DOCK3: variants seen among roughly 807,000 people sequenced by gnomAD.
The protein encoded by DOCK3 is dedicator of cytokinesis protein 3.
In DOCK3, 60 loss-of-function variants were observed where a neutral mutation model predicts 265.6. That is an observed-to-expected ratio of 0.23 (90% CI 0.18 to 0.28). The LOEUF (loss-of-function observed/expected upper bound fraction) is 0.28, where lower values mean the gene tolerates loss of function less well. DOCK3 is among the 10% of genes least tolerant of loss of function. DOCK3 has a pLI of 1.00. For synonymous variants in DOCK3, 881 were observed against 938.0 expected, an observed-to-expected ratio of 0.94 and a Z score of 1.11; for missense variants, 1,981 against 2,594.3, an observed-to-expected ratio of 0.76 and a Z score of 5.14.
chr3:51,080,819 C>T (rs114966509), intron 7 of DOCK3, among the ~76,000 whole-genome samples: 206 of 151,840 alleles, frequency 1.4e-3, no homozygotes, highest in Non-Finnish European at 2.7e-3. Context: ...AATAAAACAA[C>T]GGAATTTATT....
chr3:50,765,032 G>A (rs1464864759), intron 1 of DOCK3, among the ~76,000 whole-genome samples: 1 of 149,268 alleles, frequency 6.7e-6, no homozygotes, highest in East Asian at 2.0e-4. Context: ...AAAGTGCTGG[G>A]ATTATGGGCT....
chr3:50,694,733 C>T (rs1361172260), intron 1 of DOCK3, among the ~76,000 whole-genome samples: 2 of 152,140 alleles, frequency 1.3e-5, no homozygotes, highest in East Asian at 1.9e-4. Flanking sequence ...ATCACTTGAA[C>T]CGGGGAGGTG....
chr3:51,211,236 AC>A (rs1328224361), intron 13 of DOCK3, among the ~76,000 whole-genome samples: 4 of 152,136 alleles, frequency 2.6e-5, no homozygotes, highest in African/African-American at 4.8e-5. Context: ...TTGTCCAGTT[AC>A]TTTTTTTATG....
In DOCK3 at chr3:51,374,658, C is replaced by A; in HGVS notation, c.5412+71C>A. Reference sequence around the variant, plus strand: ...GCCTGTGCTTCCCTCCTTGCATTTGCGGGGCCTTCTGCATTGTCCTACATG... The same window carrying A: ...GCCTGTGCTTCCCTCCTTGCATTTGAGGGGCCTTCTGCATTGTCCTACATG... On this transcript the variant is annotated intron_variant, in intron 50 of 52. Coordinates refer to ENST00000266037, the MANE Select transcript of DOCK3 (RefSeq NM_004947.5). The surrounding 1 kb of genome is among the most constrained non-coding windows in gnomAD (Gnocchi z 4.8). 1 of 1,411,146 alleles carries A rather than the reference C, an allele frequency of 7.1e-7. No individual in the cohort carries two copies. Among genetic ancestry groups the A allele is most frequent in the Non-Finnish European group, 9.8e-7 (1 of 1,018,668 alleles). 87.4% of individuals were successfully genotyped at this position (1,411,146 alleles called of 1,614,324 possible).
chr3:50,740,269 T>C (rs557007398), intron 1 of DOCK3, among the ~76,000 whole-genome samples: 2 of 152,312 alleles, frequency 1.3e-5, no homozygotes, highest in South Asian at 4.1e-4. Context: ...CCATTCATTG[T>C]TGATAGATAT....
chr3:51,191,756 G>C (rs535606497), intron 12 of DOCK3, among the ~76,000 whole-genome samples: 41 of 151,982 alleles, frequency 2.7e-4, no homozygotes, highest in African/African-American at 9.4e-4. Context: ...TGGAAGAGAC[G>C]TGCTGACACT....
chr3:51,166,835 A>G (rs1221251628), intron 12 of DOCK3, among the ~76,000 whole-genome samples: 1 of 152,180 alleles, frequency 6.6e-6, no homozygotes, highest in Non-Finnish European at 1.5e-5. Context: ...ATTCAGTTAT[A>G]TGAGTTCTTT....
chr3:50,852,531 G>T (rs1450457951), intron 3 of DOCK3, among the ~76,000 whole-genome samples: 1 of 152,058 alleles, frequency 6.6e-6, no homozygotes, highest in Non-Finnish European at 1.5e-5. Flanking sequence ...TATATTTTAA[G>T]AAATCTGTCC....
In DOCK3 at chr3:50,936,429, G is replaced by A. The variant is rs566875033; in HGVS notation, c.315+2352G>A. On this transcript the variant is annotated intron_variant, in intron 5 of 52. Transcript: ENST00000266037. ...AATGGCTGAAATTTTCCAGTTTGGC[G>A]GAAGACATAAGTGTTTTACATTCGG... 9.9e-5 allele frequency among the ~76,000 whole-genome samples: 15 copies of A among 151,490 alleles called. No individual in the cohort carries two copies. The South Asian group carries it at 1.3e-3, about 13-fold the overall frequency.
At chr3:51,368,954 C>T (rs2087466617) in intron 49 of DOCK3, among the ~76,000 whole-genome samples, 1 of 152,328 alleles carries the variant, frequency 6.6e-6, no homozygotes, top group African/African-American at 2.4e-5. Context: ...CCATCAAACT[C>T]CAACAGACCT....
At position 51,227,363 on chromosome 3, in the gene DOCK3, C is replaced by T. The variant is rs2090370377; in HGVS notation, c.1458C>T (p.Arg486=). Residue 486 remains arginine (R), a synonymous_variant, in exon 16 of 53, where the codon CGC becomes CGT. Transcript: ENST00000266037. ...SFVLYHSNSP[R]WGEIIKLPIP... ...TCCTCTACCACAGTAATAGTCCTCGCTGGGGAGAAATTATCAAATTGCCTA... is the reference window on the plus strand; with the variant it reads ...TCCTCTACCACAGTAATAGTCCTCGTTGGGGAGAAATTATCAAATTGCCTA... 4 of 1,613,864 alleles carry T rather than the reference C, an allele frequency of 2.5e-6. No homozygotes were observed. In the East Asian group the frequency reaches 8.9e-5, roughly 36 times the overall value.
At chr3:51,066,143 G>T (rs1266768214) in intron 6 of DOCK3, among the ~76,000 whole-genome samples, 2 of 152,044 alleles carry the variant, frequency 1.3e-5, no homozygotes, top group Non-Finnish European at 1.5e-5. Context: ...AATACATGAG[G>T]AAAGAAATTC....
At chr3:50,810,963 T>G (rs2675787) in intron 2 of DOCK3, among the ~76,000 whole-genome samples, 14,361 of 152,264 alleles carry the variant, frequency 0.094, 840 homozygotes, top group Non-Finnish European at 0.12. Context: ...TTTTACTATA[T>G]GTAAATTATG....
chr3:51,278,261 A>T (rs568884377), intron 26 of DOCK3: 55 of 985,276 alleles, frequency 5.6e-5, no homozygotes, highest in Non-Finnish European at 6.6e-5. Flanking sequence ...GGCATTAGTG[A>T]ATAACGATTT....
intron 2 of DOCK3, among the ~76,000 whole-genome samples, chr3:50,785,126 C>T (rs900932055): frequency 2.6e-5 from 4 of 152,150 alleles, no homozygotes; most frequent in African/African-American, 9.7e-5. Context: ...CATTGCACTC[C>T]AGCCTGAGCG....
At position 51,160,603 on chromosome 3, in the gene DOCK3, A is replaced by G. The variant is rs1172317828; in HGVS notation, c.938A>G (p.Tyr313Cys). Residue 313 changes from tyrosine to cysteine, a missense_variant, in exon 12 of 53, where the codon TAC (tyrosine) becomes TGC (cysteine). Tyr to Cys is a radical substitution (Grantham distance 194). Transcript: ENST00000266037. The stretch of plus-strand genomic sequence containing the variant: ...AAGAAAGGTCCTCCTCACCTGCACT[A>G]CAGGCGACCATATGGCTGTGCGGTC... ...DSKKGPPHLH[Y>C]RRPYGCAVLS... is the part of the protein sequence containing the mutation. The G allele has an allele frequency of 2.5e-6, 4 of 1,613,114 alleles. No homozygotes were observed. Among genetic ancestry groups the G allele is most frequent in the South Asian group, 1.1e-5 (1 of 90,882 alleles).
intron 9 of DOCK3, among the ~76,000 whole-genome samples, chr3:51,139,260 G>T (rs567239287): frequency 1.0e-4 from 15 of 150,356 alleles, no homozygotes; most frequent in Admixed American, 2.6e-4. Flanking sequence ...GCAGTGGGGG[G>T]AGGGCTAAGA....
In DOCK3 at chr3:51,089,209, G is replaced by A. The variant is rs777316113; in HGVS notation, c.550-34G>A. 3.2e-5 allele frequency: 51 copies of A among 1,581,108 alleles called. No individual in the cohort carries two copies. In the East Asian group the frequency reaches 3.9e-4, roughly 12 times the overall value. On this transcript the variant is annotated intron_variant, in intron 7 of 52. Transcript: ENST00000266037. ...CTTAATAAAATTTAGTTTCTTTCCCGGTAGAGTTTATTTTTCTTTCCTTCT... is the reference window on the plus strand; with the variant it reads ...CTTAATAAAATTTAGTTTCTTTCCCAGTAGAGTTTATTTTTCTTTCCTTCT...
intron 5 of DOCK3, among the ~76,000 whole-genome samples, chr3:51,048,185 T>TA (rs55800035): frequency 8.0e-5 from 12 of 149,478 alleles, no homozygotes; most frequent in Non-Finnish European, 1.3e-4. Flanking sequence ...CCTTTCATGA[T>TA]AAAAAAAAAA....
Sources: gnomAD v4.1 joint callset for allele counts (sites outside exome capture counted in the v4.1 genomes callset) on GRCh38, gnomAD v4.1.1 for gene constraint, Gnocchi (gnomAD v3.1) non-coding constraint, MANE v1.5 for transcripts, NCBI Gene and HGNC (gene_info 2026-07-23, HGNC 2026-07-21) for gene names.